The following APOB variants were observed in gnomAD, a reference collection of about 807,000 sequenced individuals.
APOB encodes apolipoprotein B.
APOB carries 153 observed loss-of-function variants against 314.1 expected under a neutral mutation model. That is an observed-to-expected ratio of 0.49 (90% CI 0.43 to 0.56). APOB has a LOEUF of 0.56. Ranked by LOEUF, APOB falls within the 20% of genes least tolerant of loss-of-function variation. The pLI is 0.00. For missense variants in APOB, 5,430 were observed against 5,350.7 expected (o/e 1.01, Z -0.46); for synonymous variants, 2,087 against 2,036.4 (o/e 1.02, Z -0.67).
At chr2:21,015,921 T>C (rs1273386616) in intron 21 of APOB, among the ~76,000 whole-genome samples, 1 of 152,054 alleles carries the variant, frequency 6.6e-6, no homozygotes, top group African/African-American at 2.4e-5. Context: ...CACCCAGCAC[T>C]GTGCTTGATA....
rs1258890700 is a variant in APOB at position 21,023,622 on chromosome 2, A to T, written c.2507T>A (p.Phe836Tyr). The change falls in exon 17 of 29, where the codon TTT (phenylalanine) becomes TAT (tyrosine). Residue 836 changes from phenylalanine to tyrosine, a missense_variant. Physicochemically the swap from Phe to Tyr is conservative, Grantham distance 22. Transcript: ENST00000233242. ...TAATCCAGCTCCAGTGGGGAGTTCA[A>T]AGGCATTCTCCATGAAGATGTAGTG... ...FLHYIFMENA[F>Y]ELPTGAGLQL... 1 of 1,614,170 alleles carries T rather than the reference A, an allele frequency of 6.2e-7. No homozygotes were observed. Among genetic ancestry groups the T allele is most frequent in the East Asian group, 2.2e-5 (1 of 44,876 alleles).
chr2:21,010,067 C>T lies in APOB; in HGVS notation c.6801G>A (p.Gln2267=), dbSNP rs1192791993. Residue 2267 remains glutamine (Q), a synonymous_variant, in exon 26 of 29, where the codon CAG becomes CAA. Transcript: ENST00000233242. Reference sequence around the variant, plus strand: ...TATTCTGTATGTGTCTCTTAAGCTGCTGCAGTTTTTCTTGTATCTGGATTC... The same window carrying T: ...TATTCTGTATGTGTCTCTTAAGCTGTTGCAGTTTTTCTTGTATCTGGATTC... ...QIRIQIQEKL[Q]QLKRHIQNID... 4 of 1,613,530 alleles carry T rather than the reference C, an allele frequency of 2.5e-6. No individual in the cohort carries two copies. The highest frequency in any genetic ancestry group is 1.1e-5 in the South Asian group (1 of 91,064).
intron 17 of APOB, among the ~76,000 whole-genome samples, 198 bp from the exon 18 acceptor site, chr2:21,023,240 A>G (rs750902229): frequency 2.6e-5 from 4 of 152,308 alleles, no homozygotes; most frequent in Non-Finnish European, 4.4e-5. Context: ...CAGAACTAGA[A>G]AGCACCTGAG....
At position 21,001,528 on chromosome 2, in the gene APOB, C is replaced by A; in HGVS notation, c.*202G>T. 1 of 550,410 alleles carries A rather than the reference C, an allele frequency of 1.8e-6. No individual in the cohort carries two copies. 34.1% of individuals were successfully genotyped at this position (550,410 alleles called of 1,614,324 possible). A position where few individuals can be genotyped will look rare whatever the true frequency, so the allele number is the denominator to read the frequency against. On this transcript the variant is annotated 3_prime_UTR_variant, in exon 29 of 29. Transcript: ENST00000233242. ...TTCTTTAACTTGCAAAAAATGCCAT[C>A]CTTCTGAGTTCAGAGACCTTCCGAG...
At chr2:21,028,163 T>C (rs1663785694) in intron 13 of APOB, 98 bp from the exon 14 acceptor site, 1 of 1,175,372 alleles carries the variant, frequency 8.5e-7, no homozygotes, top group Non-Finnish European at 1.3e-6. Context: ...ACTACCAAAA[T>C]GTCTTGATTT....
chr2:21,035,319 G>T (rs1373758092), intron 7 of APOB, among the ~76,000 whole-genome samples: 1 of 152,190 alleles, frequency 6.6e-6, no homozygotes, highest in African/African-American at 2.4e-5. Flanking sequence ...AGGGTACCCT[G>T]CAGTGATCCT....
Position 21,025,208 on chromosome 2 carries a change from C to T in APOB, c.2245-84G>A, listed in dbSNP as rs1279029583. ...TTCCCAATGTGGGACCTGTCTGATG[C>T]AGCCAGGATGGGCCTAAAAAATGCT... is the stretch of plus-strand genomic sequence containing the variant. On this transcript the variant is annotated intron_variant, in intron 15 of 28. Coordinates refer to ENST00000233242, the MANE Select transcript of APOB (RefSeq NM_000384.3). 5 of 1,393,238 alleles carry T rather than the reference C, an allele frequency of 3.6e-6. No individual in the cohort carries two copies. The South Asian group carries it at 5.8e-5, about 16-fold the overall frequency. 86.3% of individuals were successfully genotyped at this position (1,393,238 alleles called of 1,614,324 possible).
Position 21,011,005 on chromosome 2 carries a change from C to T in APOB, c.5863G>A (p.Val1955Met), listed in dbSNP as rs368970025. ...GCTGCACTGATGCTTTTCCTAGACACGAGATGATGACTTGTGGAGCCTTTG... is the reference window on the plus strand; with the variant it reads ...GCTGCACTGATGCTTTTCCTAGACATGAGATGATGACTTGTGGAGCCTTTG... Reference protein sequence around the residue: ...DYKGSTSHHLVSRKSISAALE... With the variant: ...DYKGSTSHHLMSRKSISAALE... The change falls in exon 26 of 29, where the codon GTG (valine) becomes ATG (methionine). Residue 1955 changes from valine to methionine, a missense_variant. By Grantham distance (21) the Val-to-Met change is conservative. Around this residue, in one of 3 missense-constraint regions of APOB, gnomAD observed 3,281 missense variants for 3,171.0 expected, o/e 1.03. Coordinates refer to ENST00000233242, the MANE Select transcript of APOB (RefSeq NM_000384.3). 126 of 1,614,100 alleles carry T rather than the reference C, an allele frequency of 7.8e-5. 1 individual carries two copies. Among genetic ancestry groups the T allele is most frequent in the Middle Eastern group, 3.3e-4 (2 of 6,062 alleles).
rs371735411 is a variant in APOB at position 21,028,593 on chromosome 2, T to A, written c.1618-55A>T. On this transcript the variant is annotated intron_variant, in intron 12 of 28. Transcript: ENST00000233242. The stretch of plus-strand genomic sequence containing the variant: ...TGTCCTGTGGTCAGAACACAGAACA[T>A]GCCTGGCAAACACTGGCATTGTCTG... 191 of 1,255,702 alleles carry A rather than the reference T, an allele frequency of 1.5e-4. 2 individuals are homozygous for A. In the South Asian group the frequency reaches 2.2e-3, roughly 14 times the overall value. The allele number at this position is 1,255,702 out of a possible 1,614,324, so 77.8% of individuals were successfully genotyped here.
chr2:21,024,830 A>G, intron 16 of APOB, 103 bp downstream of exon 16: 2 of 1,222,836 alleles, frequency 1.6e-6, no homozygotes, highest in South Asian at 1.2e-5. Context: ...AAGTACAAGC[A>G]TCTTTTCGGG....
Position 21,014,478 on chromosome 2 carries a change from A to G in APOB, c.3812T>C (p.Phe1271Ser). ...TAAGAAGAGGTTTTCTGGGATGTGGAAGTCTGGCAATCCCATGTTCTGGAG... is the reference window on the plus strand; with the variant it reads ...TAAGAAGAGGTTTTCTGGGATGTGGGAGTCTGGCAATCCCATGTTCTGGAG... ...FNLQNMGLPD[F>S]HIPENLFLKS... is the part of the protein sequence containing the mutation. The change falls in exon 24 of 29, where the codon TTC becomes TCC. Residue 1271 changes from phenylalanine (F) to serine (S), a missense_variant. By Grantham distance (155) the Phe-to-Ser change is radical. Coordinates refer to ENST00000233242, the MANE Select transcript of APOB (RefSeq NM_000384.3). 1 of 1,614,092 alleles carries G rather than the reference A, an allele frequency of 6.2e-7. No homozygotes were observed. Among genetic ancestry groups the G allele is most frequent in the East Asian group, 2.2e-5 (1 of 44,874 alleles).
Position 21,006,744 on chromosome 2 carries a change from T to C in APOB, c.10124A>G (p.Asp3375Gly). 6.2e-7 allele frequency: 1 copy of C among 1,614,068 alleles called. No individual in the cohort carries two copies. ...HLLSSSSSVI[D>G]ALQYKLEGTT... ...GCCCTCTAATTTGTACTGCAGTGCA[T>C]CAATGACAGATGAAGATGAAGAAAG... The change falls in exon 26 of 29, where the codon GAT (aspartate) becomes GGT (glycine). Residue 3375 changes from aspartate to glycine, a missense_variant. Physicochemically the swap from Asp to Gly is moderately conservative, Grantham distance 94. This residue lies in a region of APOB where 3,281 missense variants were observed against 3,171.0 expected (regional missense o/e 1.03). Coordinates refer to ENST00000233242, the MANE Select transcript of APOB (RefSeq NM_000384.3).
At position 21,011,840 on chromosome 2, in the gene APOB, G is replaced by A. The variant is rs201446451; in HGVS notation, c.5028C>T (p.Gly1676=). The A allele has an allele frequency of 2.5e-5, 40 of 1,614,092 alleles. No homozygotes were observed. Among genetic ancestry groups the A allele is most frequent in the East Asian group, 1.1e-4 (5 of 44,880 alleles). ...TTAATTTCATAGATGCCCCAGAGAGGCCAAGCTCTGCATTCAGCTCATTCT... is the reference window on the plus strand; with the variant it reads ...TTAATTTCATAGATGCCCCAGAGAGACCAAGCTCTGCATTCAGCTCATTCT... ...VLENELNAEL[G]LSGASMKLTT... The change falls in exon 26 of 29, where the codon GGC becomes GGT. Residue 1676 remains glycine (G), a synonymous_variant. Transcript: ENST00000233242.
At position 21,032,540 on chromosome 2, in the gene APOB, T is replaced by C. The variant is rs1135402763; in HGVS notation, c.1166A>G (p.Gln389Arg). ...LQALVQCGQP[Q>R]CSTHILQWLK... ...CCACTGGAGGATGTGAGTGGAGCAC[T>C]GAGGCTGTCCACACTGAACCAAGGC... The change falls in exon 10 of 29, where the codon CAG becomes CGG. Residue 389 changes from glutamine to arginine, a missense_variant. Physicochemically the swap from Gln to Arg is conservative, Grantham distance 43 (BLOSUM62 1). Coordinates refer to ENST00000233242, the MANE Select transcript of APOB (RefSeq NM_000384.3). 1 of 1,614,150 alleles carries C rather than the reference T, an allele frequency of 6.2e-7. No homozygotes were observed. The highest frequency in any genetic ancestry group is 8.5e-7 in the Non-Finnish European group (1 of 1,180,016).
rs558838327 is a variant in APOB, at chr2:21,019,062, G to A, written c.3051C>T (p.Ser1017=). The A allele has an allele frequency of 4.5e-5, 73 of 1,614,006 alleles. No homozygotes were observed. The Middle Eastern group carries it at 4.9e-4, about 11-fold the overall frequency. The stretch of plus-strand genomic sequence containing the variant: ...CCTCTCTCTGGAGCTCATAGGTTGC[G>A]CTGACAGAATACTGCTCAATCTCTC... ...PTGEIEQYSV[S]ATYELQREDR... Residue 1017 remains serine, a synonymous_variant, in exon 20 of 29, where the codon AGC becomes AGT. Coordinates refer to ENST00000233242, the MANE Select transcript of APOB (RefSeq NM_000384.3).
chr2:21,010,283 T>A lies in APOB; in HGVS notation c.6585A>T (p.Lys2195Asn), dbSNP rs758433658. ...IKDSYDLHDL[K>N]IAIANIIDEI... ...CATCAATAATATTAGCAATAGCTAT[T>A]TTCAAATCATGTAAATCATAACTAT... Residue 2195 changes from lysine to asparagine, a missense_variant, in exon 26 of 29, where the codon AAA becomes AAT. By Grantham distance (94) the Lys-to-Asn change is moderately conservative. Coordinates refer to ENST00000233242, the MANE Select transcript of APOB (RefSeq NM_000384.3). 1 of 1,550,542 alleles carries A rather than the reference T, an allele frequency of 6.4e-7. No homozygotes were observed. Among genetic ancestry groups the A allele is most frequent in the Admixed American group, 2.0e-5 (1 of 51,048 alleles).
chr2:21,015,294 C>A (rs1207192709), intron 22 of APOB, 34 bp from the exon 23 acceptor site: 2 of 1,613,264 alleles, frequency 1.2e-6, no homozygotes, highest in South Asian at 2.2e-5. Flanking sequence ...GTGAATGGTA[C>A]TAGTTCAGCC....
chr2:21,043,617 A>G (rs1664189878), intron 1 of APOB, 66 bp from the exon 2 acceptor site: 1 of 1,556,350 alleles, frequency 6.4e-7, no homozygotes, highest in Admixed American at 1.9e-5. Flanking sequence ...AGGGCCCGAC[A>G]GGGGGACCAC....
chr2:21,002,922 A>G lies in APOB; in HGVS notation c.12500T>C (p.Leu4167Pro). Residue 4167 changes from leucine (L) to proline (P), a missense_variant, in exon 29 of 29, where the codon CTC (leucine) becomes CCC (proline). Coordinates refer to ENST00000233242, the MANE Select transcript of APOB (RefSeq NM_000384.3). ...CAAGCCATCAAACACGTTATCCTTGAGTCCCTGGAAACTGGCTTGGCCTTC... is the reference window on the plus strand; with the variant it reads ...CAAGCCATCAAACACGTTATCCTTGGGTCCCTGGAAACTGGCTTGGCCTTC... Reference protein sequence around the residue: ...TQEGQASFQGLKDNVFDGLVR... With the variant: ...TQEGQASFQGPKDNVFDGLVR... 1 of 1,613,452 alleles carries G rather than the reference A, an allele frequency of 6.2e-7. No homozygotes were observed. Among genetic ancestry groups the G allele is most frequent in the Non-Finnish European group, 8.5e-7 (1 of 1,179,718 alleles).
Sources: allele counts gnomAD v4.1 joint callset (sites outside exome capture counted in the v4.1 genomes callset), GRCh38; gene constraint gnomAD v4.1.1; regional missense constraint gnomAD v4.1.1; transcripts MANE v1.5; gene names NCBI Gene and HGNC (gene_info 2026-07-23, HGNC 2026-07-21).